SUGCT: variants seen among roughly 807,000 people sequenced by gnomAD.
SUGCT encodes the protein succinyl-CoA:glutarate CoA-transferase.
A neutral mutation model predicts 55.0 loss-of-function variants in SUGCT; 41 were observed. That is an observed-to-expected ratio of 0.74 (90% CI 0.58 to 0.97). The LOEUF (loss-of-function observed/expected upper bound fraction) is 0.97, where lower values mean the gene tolerates loss of function less well. SUGCT is among the 50% of genes least tolerant of loss of function. The probability of loss-of-function intolerance (pLI) is 0.00; values close to 1 mark genes in which losing one functional copy is unlikely to be tolerated. For synonymous variants in SUGCT, 187 were observed against 200.4 expected (o/e 0.93, Z 0.56); for missense variants, 568 against 547.8 (o/e 1.04, Z -0.37).
the SUGCT span, among the ~76,000 whole-genome samples, chr7:40,943,701 C>T: frequency 6.6e-6 from 1 of 150,696 alleles, no homozygotes; most frequent in African/African-American, 2.4e-5. Context: ...TGGGTCGGTT[C>T]CAAGTCTTTG....
chr7:40,362,222 C>T (rs904945387), intron 9 of SUGCT, among the ~76,000 whole-genome samples: 3 of 152,048 alleles, frequency 2.0e-5, no homozygotes, highest in Non-Finnish European at 4.4e-5. Context: ...AGTTCGAGAC[C>T]AGCCTGACCA....
At chr7:40,671,602 G>A (rs1801943649) in intron 12 of SUGCT, among the ~76,000 whole-genome samples, 1 of 152,058 alleles carries the variant, frequency 6.6e-6, no homozygotes. Context: ...TAAATATGCA[G>A]TACCATTTAC....
chr7:40,552,291 G>A (rs1401822017), intron 12 of SUGCT, among the ~76,000 whole-genome samples: 1 of 152,170 alleles, frequency 6.6e-6, no homozygotes, highest in Non-Finnish European at 1.5e-5. Context: ...GGCATGAGAG[G>A]CCCCTCTGCC....
At chr7:40,215,493 T>A (rs2150806197) in intron 6 of SUGCT, among the ~76,000 whole-genome samples, 1 of 152,294 alleles carries the variant, frequency 6.6e-6, no homozygotes, top group Non-Finnish European at 1.5e-5. Context: ...ACTTTGAGGA[T>A]ACTAGCAAAC....
At chr7:40,942,576 T>C in the SUGCT span, among the ~76,000 whole-genome samples, 1 of 152,214 alleles carries the variant, frequency 6.6e-6, no homozygotes, top group African/African-American at 2.4e-5. Context: ...TTAGGAGTTC[T>C]CTGAGCTTCT....
intron 8 of SUGCT, among the ~76,000 whole-genome samples, chr7:40,282,383 G>A (rs1285705872): frequency 2.6e-5 from 4 of 151,902 alleles, no homozygotes; most frequent in Admixed American, 6.6e-5. Context: ...CACAAGAATC[G>A]CTTGAACCCG....
chr7:40,576,615 G>A (rs1218494553), intron 12 of SUGCT, among the ~76,000 whole-genome samples: 1 of 152,172 alleles, frequency 6.6e-6, no homozygotes, highest in Non-Finnish European at 1.5e-5. Context: ...TGTCCATCTG[G>A]TAAACCCGAC....
chr7:40,588,149 G>T (rs1469791492), intron 12 of SUGCT, among the ~76,000 whole-genome samples: 4 of 151,700 alleles, frequency 2.6e-5, no homozygotes, highest in Non-Finnish European at 5.9e-5. Flanking sequence ...TGATCTGCCC[G>T]CCTCGGCCTC....
chr7:41,020,647 A>G, the SUGCT span, among the ~76,000 whole-genome samples: 195 of 152,292 alleles, frequency 1.3e-3, no homozygotes, highest in Non-Finnish European at 2.2e-3. Context: ...AAGTAATTAT[A>G]TATTGGTGCT....
intron 13 of SUGCT, among the ~76,000 whole-genome samples, chr7:40,811,234 T>C (rs919826441): frequency 1.3e-4 from 20 of 152,124 alleles, no homozygotes; most frequent in Admixed American, 5.9e-4. Context: ...CTTGGCTTAC[T>C]TTGGCTATTT....
At chr7:40,330,482 A>AT (rs34591113) in intron 9 of SUGCT, among the ~76,000 whole-genome samples, 81,666 of 149,878 alleles carry the variant, frequency 0.54, 22,138 homozygotes, top group South Asian at 0.65. Flanking sequence ...AGAAGATCCG[A>AT]TTTTTTTTTT....
chr7:40,476,665 A>AT (rs1370743563), intron 11 of SUGCT, among the ~76,000 whole-genome samples: 7 of 151,508 alleles, frequency 4.6e-5, no homozygotes, highest in South Asian at 4.2e-4. Context: ...AGGGATTTTG[A>AT]TTTTTTTTGG....
At chr7:40,721,016 C>CA (rs1786299635) in intron 12 of SUGCT, among the ~76,000 whole-genome samples, 1 of 152,170 alleles carries the variant, frequency 6.6e-6, no homozygotes, top group Non-Finnish European at 1.5e-5. Context: ...ATTGAGGAAA[C>CA]AGAGTCTGGT....
intron 12 of SUGCT, among the ~76,000 whole-genome samples, chr7:40,687,527 G>A (rs1784516695): frequency 6.6e-6 from 1 of 152,124 alleles, no homozygotes; most frequent in African/African-American, 2.4e-5. Flanking sequence ...TGGCCCCACA[G>A]CTCCCATATC....
chr7:40,585,680 T>A (rs1296581097), intron 12 of SUGCT, among the ~76,000 whole-genome samples: 2 of 152,098 alleles, frequency 1.3e-5, no homozygotes, highest in African/African-American at 4.8e-5. Flanking sequence ...GCCTCTAAAC[T>A]TTTTTGTTTT....
intron 11 of SUGCT, among the ~76,000 whole-genome samples, chr7:40,488,355 A>G (rs1484075888): frequency 6.6e-6 from 1 of 152,104 alleles, no homozygotes; most frequent in Non-Finnish European, 1.5e-5. Flanking sequence ...AAAACTCTAC[A>G]TTTTCACTTC....
At chr7:40,404,134 A>G (rs755107160) in intron 9 of SUGCT, among the ~76,000 whole-genome samples, 8 of 152,188 alleles carry the variant, frequency 5.3e-5, no homozygotes, top group Non-Finnish European at 1.0e-4. Flanking sequence ...GAGCACTGCA[A>G]TGTGCAGGAA....
chr7:40,290,101 A>G (rs1221825843), intron 8 of SUGCT, among the ~76,000 whole-genome samples: 4 of 152,104 alleles, frequency 2.6e-5, no homozygotes, highest in Non-Finnish European at 4.4e-5. Context: ...TATAGATTCA[A>G]TGCCATCCCC....
chr7:40,684,061 T>G, intron 12 of SUGCT: 1 of 1,612,482 alleles, frequency 6.2e-7, no homozygotes, highest in Non-Finnish European at 8.5e-7. Flanking sequence ...AATAGAACGC[T>G]GTCTCTGGCT....
Sources: gnomAD v4.1 joint callset for allele counts (sites outside exome capture counted in the v4.1 genomes callset) on GRCh38, gnomAD v4.1.1 for gene constraint, MANE v1.5 for transcripts, NCBI Gene and HGNC (gene_info 2026-07-23, HGNC 2026-07-21) for gene names.